Variants in MTUS2 observed in about 807,000 individuals in gnomAD.
The protein encoded by MTUS2 is microtubule-associated tumor suppressor candidate 2.
A neutral mutation model predicts 114.1 loss-of-function variants in MTUS2; 40 were observed. The ratio of observed to expected loss-of-function variants is 0.35; its 90% CI spans 0.27 to 0.46. MTUS2 has a LOEUF of 0.46. MTUS2 is among the 20% of genes least tolerant of loss of function. MTUS2 has a pLI of 1.00. For missense variants in MTUS2, 1,679 were observed against 1,705.4 expected (o/e 0.98, Z 0.27); for synonymous variants, 688 against 672.0 (o/e 1.02, Z -0.37).
chr13:28,984,557 C>T (rs9508207), intron 2 of MTUS2, among the ~76,000 whole-genome samples: 33,737 of 152,152 alleles, frequency 0.22, 4,137 homozygotes, highest in Non-Finnish European at 0.26. Flanking sequence ...TGAAGGTCAG[C>T]GTGCCTACGA....
At chr13:29,248,056 A>G (rs1896989511) in intron 5 of MTUS2, among the ~76,000 whole-genome samples, 1 of 152,270 alleles carries the variant, frequency 6.6e-6, no homozygotes, top group Non-Finnish European at 1.5e-5. Context: ...GCCATGGAAT[A>G]CTATTCAGCC....
At chr13:28,922,329 CAGACT>C (rs1446981583) in intron 2 of MTUS2, among the ~76,000 whole-genome samples, 2 of 152,196 alleles carry the variant, frequency 1.3e-5, no homozygotes, top group Non-Finnish European at 2.9e-5. Flanking sequence ...AGTTTAAGAA[CAGACT>C]AATACATTGT....
chr13:29,333,188 GTTTCT>G (rs1351043853), intron 7 of MTUS2, among the ~76,000 whole-genome samples: 26 of 152,152 alleles, frequency 1.7e-4, no homozygotes, highest in African/African-American at 5.1e-4. Context: ...TTTTGAGTGA[GTTTCT>G]TTTCTTTTCT....
chr13:28,915,111 T>TG (rs1880674722), intron 2 of MTUS2, among the ~76,000 whole-genome samples: 1 of 151,998 alleles, frequency 6.6e-6, no homozygotes, highest in South Asian at 2.1e-4. Flanking sequence ...TATTGTTATG[T>TG]GTGAATTGAG....
intron 5 of MTUS2, among the ~76,000 whole-genome samples, chr13:29,203,918 C>A (rs1895070890): frequency 6.6e-6 from 1 of 152,104 alleles, no homozygotes; most frequent in Admixed American, 6.5e-5. Flanking sequence ...AGAAATCACC[C>A]ACCCTCTGCA....
chr13:29,269,403 T>TA (rs1182497344), intron 5 of MTUS2, among the ~76,000 whole-genome samples: 1 of 152,098 alleles, frequency 6.6e-6, no homozygotes, highest in Non-Finnish European at 1.5e-5. Context: ...AAGTAAAATT[T>TA]AAAAAAATAG....
intron 4 of MTUS2, among the ~76,000 whole-genome samples, chr13:29,068,086 T>A (rs892895594): frequency 6.6e-6 from 1 of 152,216 alleles, no homozygotes; most frequent in Non-Finnish European, 1.5e-5. Context: ...AGTGAATTAC[T>A]GAGATGGTGT....
At chr13:29,085,344 G>T (rs545477153) in intron 4 of MTUS2, among the ~76,000 whole-genome samples, 1 of 152,284 alleles carries the variant, frequency 6.6e-6, no homozygotes, top group East Asian at 1.9e-4. Context: ...TGAGTAAATT[G>T]TATGTCACTG....
At chr13:28,936,400 G>T (rs1881900814) in intron 2 of MTUS2, among the ~76,000 whole-genome samples, 1 of 152,182 alleles carries the variant, frequency 6.6e-6, no homozygotes, top group Admixed American at 6.5e-5. Context: ...TAGTTTTACA[G>T]GGCCTTCAAT....
intron 2 of MTUS2, among the ~76,000 whole-genome samples, chr13:28,976,730 GATT>G: frequency 6.6e-6 from 1 of 152,298 alleles, no homozygotes; most frequent in East Asian, 1.9e-4. Context: ...GTGAGGGAAT[GATT>G]ATATTATATG....
chr13:29,056,525 T>G (rs1230043858), intron 4 of MTUS2, among the ~76,000 whole-genome samples: 1 of 152,138 alleles, frequency 6.6e-6, no homozygotes, highest in African/African-American at 2.4e-5. Flanking sequence ...GAACCTGTTA[T>G]TCATATGTTC....
In MTUS2 at chr13:29,026,056, T is replaced by C. The variant is rs1003183536; in HGVS notation, c.1358T>C (p.Ile453Thr). The change falls in exon 3 of 16, where the codon ATT becomes ACT. Residue 453 changes from isoleucine to threonine, a missense_variant. Ile to Thr is a moderately conservative substitution (Grantham distance 89). This residue lies in a region of MTUS2 where 843 missense variants were observed against 770.8 expected (regional missense o/e 1.09). Transcript: ENST00000612955. ...ACTGACAGCAAGCCCTTGGATGTCA[T>C]TGAGGAGGAAAGGCGGTTGGGCAGT... Reference protein sequence around the residue: ...NLTDSKPLDVIEEERRLGSGN... With the variant: ...NLTDSKPLDVTEEERRLGSGN... 8 of 1,613,792 alleles carry C rather than the reference T, an allele frequency of 5.0e-6. No homozygotes were observed. Among genetic ancestry groups the C allele is most frequent in the African/African-American group, 1.3e-5 (1 of 74,906 alleles).
rs555184362 is a variant in MTUS2 at position 28,922,982 on chromosome 13, T to G, written c.-243+83132T>G. Among the ~76,000 whole-genome samples the G allele has an allele frequency of 7.2e-5, 11 of 152,328 alleles. No individual in the cohort carries two copies. The South Asian group carries it at 1.4e-3, about 20-fold the overall frequency. The stretch of plus-strand genomic sequence containing the variant: ...CCTTCTGAAACTCCAGCGATACAAA[T>G]GTTGGACCTTTTTCTGTTGTCGCAC... On this transcript the variant is annotated intron_variant, in intron 2 of 15. Coordinates refer to ENST00000612955, the MANE Select transcript of MTUS2 (RefSeq NM_001033602.4).
rs1216516971 is a variant in MTUS2, at chr13:29,046,054, C to T, written c.2446+11929C>T. The stretch of plus-strand genomic sequence containing the variant: ...CCGTGCTTACAAATGACTCTACCTG[C>T]TGCCATCTAGACACCCCACTATTCT... On this transcript the variant is annotated intron_variant, in intron 4 of 15. Transcript: ENST00000612955. Among the ~76,000 whole-genome samples the T allele has an allele frequency of 5.9e-5, 9 of 152,210 alleles. No homozygotes were observed. In the East Asian group the frequency reaches 1.7e-3, roughly 29 times the overall value.
At chr13:29,372,795 C>T (rs2138311266) in intron 8 of MTUS2, among the ~76,000 whole-genome samples, 1 of 152,250 alleles carries the variant, frequency 6.6e-6, no homozygotes. Flanking sequence ...TATGAAGACC[C>T]AACACACAAA....
At chr13:28,832,305 TA>T (rs1423228357) in intron 1 of MTUS2, among the ~76,000 whole-genome samples, 1 of 152,098 alleles carries the variant, frequency 6.6e-6, no homozygotes, top group East Asian at 1.9e-4. Context: ...AGGGCTGAAA[TA>T]ATACAGAATA....
At chr13:28,949,079 T>G (rs1882681588) in intron 2 of MTUS2, among the ~76,000 whole-genome samples, 1 of 152,246 alleles carries the variant, frequency 6.6e-6, no homozygotes, top group African/African-American at 2.4e-5. Flanking sequence ...GTTTAAATTT[T>G]TTTTTCCAAA....
intron 2 of MTUS2, among the ~76,000 whole-genome samples, chr13:28,928,088 G>A (rs1377948637): frequency 1.3e-5 from 2 of 152,206 alleles, no homozygotes; most frequent in African/African-American, 4.8e-5. Context: ...CTCACCATAT[G>A]CAAAAATCAA....
At chr13:29,108,526 C>T (rs376559121) in intron 5 of MTUS2, among the ~76,000 whole-genome samples, 1 of 152,310 alleles carries the variant, frequency 6.6e-6, no homozygotes, top group African/African-American at 2.4e-5. Flanking sequence ...TACCCTTTCC[C>T]GATTCTACAT....
Sources: gnomAD v4.1 joint callset for allele counts (sites outside exome capture counted in the v4.1 genomes callset) on GRCh38, gnomAD v4.1.1 for gene constraint, gnomAD v4.1.1 regional missense constraint, MANE v1.5 for transcripts, NCBI Gene and HGNC (gene_info 2026-07-23, HGNC 2026-07-21) for gene names.